Variants in TNIK observed in about 807,000 individuals in gnomAD.
The protein encoded by TNIK is TRAF2 and NCK-interacting protein kinase.
In TNIK, 49 loss-of-function variants were observed where a neutral mutation model predicts 191.3. The observed-to-expected ratio is 0.26, with a 90% confidence interval of 0.20 to 0.32. TNIK has a LOEUF of 0.32. Ranked by LOEUF, TNIK falls within the 10% of genes least tolerant of loss-of-function variation. The probability of loss-of-function intolerance (pLI) is 1.00; values close to 1 mark genes in which losing one functional copy is unlikely to be tolerated. For synonymous variants in TNIK, 594 were observed against 600.9 expected, an observed-to-expected ratio of 0.99 and a Z score of 0.17; for missense variants, 1,155 against 1,702.3, an observed-to-expected ratio of 0.68 and a Z score of 5.66.
chr3:171,137,003 CTT>C (rs1480597107), intron 15 of TNIK, among the ~76,000 whole-genome samples: 1 of 150,278 alleles, frequency 6.7e-6, no homozygotes, highest in Non-Finnish European at 1.5e-5. Context: ...TTTCCACACA[CTT>C]AGTTTAACTT....
At chr3:171,257,089 C>G (rs1746971861) in intron 2 of TNIK, among the ~76,000 whole-genome samples, 1 of 152,088 alleles carries the variant, frequency 6.6e-6, no homozygotes, top group Non-Finnish European at 1.5e-5. Context: ...GAGAGAGGAA[C>G]AATGAAGTCA....
chr3:171,380,876 G>A (rs1462180896), intron 1 of TNIK, among the ~76,000 whole-genome samples: 1 of 152,208 alleles, frequency 6.6e-6, no homozygotes, highest in African/African-American at 2.4e-5. Context: ...AGATGGCCCA[G>A]AGCCATGTAG....
At chr3:171,458,071 C>G (rs1193958722) in intron 1 of TNIK, among the ~76,000 whole-genome samples, 1 of 152,128 alleles carries the variant, frequency 6.6e-6, no homozygotes, top group African/African-American at 2.4e-5. Context: ...AGTAGAGGAG[C>G]AAGGTCGAGA....
chr3:171,063,746 G>C lies in TNIK; in HGVS notation c.*135C>G. 1 of 796,074 alleles carries C rather than the reference G, an allele frequency of 1.3e-6. No individual in the cohort carries two copies. The highest frequency in any genetic ancestry group is 2.0e-6 in the Non-Finnish European group (1 of 502,196). The allele number at this position is 796,074 out of a possible 1,614,324, so 49.3% of individuals were successfully genotyped here. A position where few individuals can be genotyped will look rare whatever the true frequency, so the allele number is the denominator to read the frequency against. Reference sequence around the variant, plus strand: ...GATGGACTGTACTGGGAGGGGCGGAGGGAGAGGAAAAAGGGAAAGCGATAT... The same window carrying C: ...GATGGACTGTACTGGGAGGGGCGGACGGAGAGGAAAAAGGGAAAGCGATAT... On this transcript the variant is annotated 3_prime_UTR_variant, in exon 33 of 33. Coordinates refer to ENST00000436636, the MANE Select transcript of TNIK (RefSeq NM_015028.4).
chr3:171,395,398 C>T (rs1366936055), intron 1 of TNIK, among the ~76,000 whole-genome samples: 2 of 152,176 alleles, frequency 1.3e-5, no homozygotes, highest in African/African-American at 4.8e-5. Context: ...CTCCTCTAAC[C>T]GTGCTTGGCA....
Position 171,281,019 on chromosome 3 carries a change from CT to C in TNIK, c.124-52799del, listed in dbSNP as rs200304453. Among the ~76,000 whole-genome samples the C allele has an allele frequency of 9.7e-3, 1,469 of 152,218 alleles. 28 individuals are homozygous for C. Among genetic ancestry groups the C allele is most frequent in the African/African-American group, 0.034 (1,404 of 41,516 alleles). On this transcript the variant is annotated intron_variant, in intron 2 of 32. Transcript: ENST00000436636. Reference sequence around the variant, plus strand: ...TCAGCTACACTTTCAGTAAGTATCCCTTTGGAGAAGCTAAGGAATAATCATG... The same window carrying C: ...TCAGCTACACTTTCAGTAAGTATCCCTTGGAGAAGCTAAGGAATAATCATG...
At chr3:171,068,609 G>A (rs1718766141) in intron 30 of TNIK, among the ~76,000 whole-genome samples, 1 of 152,140 alleles carries the variant, frequency 6.6e-6, no homozygotes, top group African/African-American at 2.4e-5. Flanking sequence ...AGTCCAAAGA[G>A]ACAACATGTA....
intron 1 of TNIK, among the ~76,000 whole-genome samples, chr3:171,410,704 G>A (rs576403178): frequency 1.7e-4 from 25 of 145,350 alleles, no homozygotes; most frequent in African/African-American, 5.4e-4. Context: ...GCATGAACCC[G>A]GGAGGTGGAG....
intron 1 of TNIK, among the ~76,000 whole-genome samples, chr3:171,393,667 A>G (rs960951367): frequency 1.3e-5 from 2 of 152,366 alleles, no homozygotes; most frequent in Middle Eastern, 3.4e-3. Flanking sequence ...TCTTGCTATC[A>G]AGAGTGACTG....
intron 2 of TNIK, among the ~76,000 whole-genome samples, chr3:171,352,983 C>T (rs376413607): frequency 2.6e-5 from 4 of 152,274 alleles, no homozygotes; most frequent in African/African-American, 9.6e-5. Context: ...GTCACCTCTC[C>T]TCCTAAATAG....
intron 12 of TNIK, among the ~76,000 whole-genome samples, chr3:171,153,982 T>C (rs1406356310): frequency 6.6e-6 from 1 of 152,224 alleles, no homozygotes; most frequent in Non-Finnish European, 1.5e-5. Flanking sequence ...ACTGTATTTC[T>C]AGTGTCTAAC....
chr3:171,278,338 T>C (rs1387275797), intron 2 of TNIK, among the ~76,000 whole-genome samples: 2 of 152,156 alleles, frequency 1.3e-5, no homozygotes, highest in Non-Finnish European at 2.9e-5. Context: ...CTTTACATGC[T>C]CACATAACAA....
chr3:171,155,492 G>A (rs1733047268), intron 12 of TNIK, among the ~76,000 whole-genome samples: 1 of 152,238 alleles, frequency 6.6e-6, no homozygotes, highest in Admixed American at 6.5e-5. Flanking sequence ...CATGCCCATT[G>A]GTACATACAG....
chr3:171,068,984 A>C lies in TNIK; in HGVS notation c.3563T>G (p.Leu1188Arg). Residue 1188 changes from leucine (L) to arginine (R), a missense_variant, in exon 30 of 33, where the codon CTC (leucine) becomes CGC (arginine). Coordinates refer to ENST00000436636, the MANE Select transcript of TNIK (RefSeq NM_015028.4). Reference protein sequence around the residue: ...KFMAFKSFADLQHKPLLVDLT... With the variant: ...KFMAFKSFADRQHKPLLVDLT... ...ATCAACTAGCAGAGGCTTGTGCTGG[A>C]GATCTGCAAAAGACTTTAAAAATCA... The C allele has an allele frequency of 1.2e-6, 2 of 1,612,484 alleles. No individual in the cohort carries two copies. Among genetic ancestry groups the C allele is most frequent in the Non-Finnish European group, 1.7e-6 (2 of 1,179,246 alleles).
chr3:171,126,342 G>A (rs576617347), intron 16 of TNIK, among the ~76,000 whole-genome samples, 191 bp from the exon 17 acceptor site: 1 of 152,048 alleles, frequency 6.6e-6, no homozygotes, highest in Admixed American at 6.5e-5. Context: ...CGATATGTAG[G>A]GTTGGCACAA....
chr3:171,088,960 C>T (rs752102580), intron 23 of TNIK, among the ~76,000 whole-genome samples: 53 of 152,350 alleles, frequency 3.5e-4, no homozygotes, highest in Admixed American at 9.8e-4. Context: ...CTTTGACCAT[C>T]TCACCAGCCT....
intron 2 of TNIK, among the ~76,000 whole-genome samples, chr3:171,363,349 G>C (rs1391586543): frequency 6.6e-6 from 1 of 152,168 alleles, no homozygotes; most frequent in Admixed American, 6.5e-5. Flanking sequence ...GGTGCACAGT[G>C]AACACTCAGT....
At chr3:171,326,672 A>G (rs1755779913) in intron 2 of TNIK, among the ~76,000 whole-genome samples, 2 of 152,220 alleles carry the variant, frequency 1.3e-5, no homozygotes, top group South Asian at 4.1e-4. Flanking sequence ...TCTGGGATAC[A>G]GCCTAACAAT....
At chr3:171,364,398 TTGCTTTTG>T (rs1715412261) in intron 2 of TNIK, among the ~76,000 whole-genome samples, 1 of 152,034 alleles carries the variant, frequency 6.6e-6, no homozygotes, top group African/African-American at 2.4e-5. Flanking sequence ...ATTTTGTTTA[TTGCTTTTG>T]TGCAAATATA....
Sources: allele counts gnomAD v4.1 joint callset (sites outside exome capture counted in the v4.1 genomes callset), GRCh38; gene constraint gnomAD v4.1.1; transcripts MANE v1.5; gene names NCBI Gene and HGNC (gene_info 2026-07-23, HGNC 2026-07-21).